FSTL5: variants seen among roughly 807,000 people sequenced by gnomAD.
The protein encoded by FSTL5 is follistatin like 5.
FSTL5 carries 62 observed loss-of-function variants against 89.1 expected under a neutral mutation model. That is an observed-to-expected ratio of 0.70 (90% confidence interval 0.57 to 0.86). The LOEUF is 0.86. FSTL5 is among the 40% of genes least tolerant of loss of function. FSTL5 has a pLI of 0.00. For synonymous variants in FSTL5, 383 were observed against 346.2 expected (o/e 1.11, Z -1.18); for missense variants, 1,057 against 1,001.6 (o/e 1.06, Z -0.75).
intron 10 of FSTL5, among the ~76,000 whole-genome samples, chr4:161,521,415 CTCTAT>C (rs1297528861): frequency 1.3e-5 from 2 of 151,750 alleles, no homozygotes; most frequent in African/African-American, 4.8e-5. Context: ...GATTTTAAAT[CTCTAT>C]TCTGTGAGAA....
Position 161,671,003 on chromosome 4 carries a change from C to G in FSTL5, c.728-14509G>C, listed in dbSNP as rs749268821. Among the ~76,000 whole-genome samples, 2 of 152,176 alleles carry G rather than the reference C, an allele frequency of 1.3e-5. 1 individual carries two copies. The highest frequency in any genetic ancestry group is 2.9e-5 in the Non-Finnish European group (2 of 68,032). The stretch of plus-strand genomic sequence containing the variant: ...AATGCACAGGTCAAAAGCTTCACAA[C>G]ACTGATGAACAGAAAATTACAAAAA... On this transcript the variant is annotated intron_variant, in intron 6 of 15. Coordinates refer to ENST00000306100, the MANE Select transcript of FSTL5 (RefSeq NM_020116.5).
chr4:161,756,067 C>T (rs7685359), intron 6 of FSTL5, among the ~76,000 whole-genome samples: 12,279 of 151,908 alleles, frequency 0.081, 946 homozygotes, highest in African/African-American at 0.2. Flanking sequence ...TATAGCTTGA[C>T]GCCTAGTTTA....
chr4:161,926,806 G>GA (rs1734140517), intron 3 of FSTL5, among the ~76,000 whole-genome samples: 1 of 151,676 alleles, frequency 6.6e-6, no homozygotes, highest in South Asian at 2.1e-4. Context: ...CCATCCCATT[G>GA]AAAAATTACA....
intron 2 of FSTL5, among the ~76,000 whole-genome samples, chr4:162,101,497 G>A (rs1207844124): frequency 6.6e-6 from 1 of 152,096 alleles, no homozygotes; most frequent in Non-Finnish European, 1.5e-5. Flanking sequence ...CAGAAAATCT[G>A]GGTTCCATTC....
intron 15 of FSTL5, among the ~76,000 whole-genome samples, chr4:161,447,559 G>C (rs1422538917): frequency 6.6e-6 from 1 of 151,978 alleles, no homozygotes; most frequent in Non-Finnish European, 1.5e-5. Context: ...AAATAATAAA[G>C]GTAACACACT....
chr4:162,016,472 C>T (rs1560971679), intron 3 of FSTL5, among the ~76,000 whole-genome samples: 1 of 152,166 alleles, frequency 6.6e-6, no homozygotes, highest in Admixed American at 6.5e-5. Flanking sequence ...TACAACCAGG[C>T]TCTGACATTC....
chr4:161,667,963 T>C (rs981080732), intron 6 of FSTL5, among the ~76,000 whole-genome samples: 1 of 151,946 alleles, frequency 6.6e-6, no homozygotes, highest in African/African-American at 2.4e-5. Context: ...GCTTTCACTT[T>C]AGGAAATTAA....
chr4:162,111,450 A>T, intron 1 of FSTL5, 38 bp from the exon 2 acceptor site: 1 of 1,456,382 alleles, frequency 6.9e-7, no homozygotes. Flanking sequence ...AGAGAAAATG[A>T]ATTATATATT....
chr4:161,856,053 G>A (rs1731710508), intron 4 of FSTL5, among the ~76,000 whole-genome samples: 1 of 151,850 alleles, frequency 6.6e-6, no homozygotes, highest in Non-Finnish European at 1.5e-5. Context: ...AGTCTTATAG[G>A]GATAAAATAT....
At chr4:161,440,531 T>C (rs1732726178) in intron 15 of FSTL5, among the ~76,000 whole-genome samples, 1 of 152,194 alleles carries the variant, frequency 6.6e-6, no homozygotes. Flanking sequence ...AGATAGTCTC[T>C]GACAACTTCA....
intron 6 of FSTL5, among the ~76,000 whole-genome samples, chr4:161,659,806 C>G (rs1314044593): frequency 1.3e-5 from 2 of 152,012 alleles, no homozygotes; most frequent in Non-Finnish European, 2.9e-5. Flanking sequence ...ATGGTTAATC[C>G]ATGTTTTCTT....
At chr4:161,782,765 G>T (rs185704540) in intron 4 of FSTL5, among the ~76,000 whole-genome samples, 1 of 152,250 alleles carries the variant, frequency 6.6e-6, no homozygotes. Context: ...ATGCCACATT[G>T]TAATTGGCAA....
At chr4:161,757,808 G>A (rs565399755) in intron 6 of FSTL5, among the ~76,000 whole-genome samples, 204 of 152,000 alleles carry the variant, frequency 1.3e-3, no homozygotes, top group African/African-American at 4.7e-3. Flanking sequence ...TAGTAGAGAT[G>A]GGGTTTCTCC....
At chr4:161,634,682 TA>T (rs1180708921) in intron 7 of FSTL5, among the ~76,000 whole-genome samples, 1 of 152,116 alleles carries the variant, frequency 6.6e-6, no homozygotes, top group Non-Finnish European at 1.5e-5. Context: ...ATGTGGAATG[TA>T]AAAAAGCTGA....
chr4:161,561,021 C>A (rs747662527), intron 8 of FSTL5, among the ~76,000 whole-genome samples: 3 of 151,834 alleles, frequency 2.0e-5, no homozygotes, highest in Non-Finnish European at 4.4e-5. Flanking sequence ...AATTTTTACA[C>A]CAGCATCACC....
chr4:162,159,103 ATTTACT>A (rs970499561), intron 1 of FSTL5, among the ~76,000 whole-genome samples: 20 of 152,210 alleles, frequency 1.3e-4, no homozygotes, highest in African/African-American at 4.6e-4. Flanking sequence ...ATGTAAGGAC[ATTTACT>A]TTTAGGGTTT....
At chr4:161,708,251 T>C (rs961998701) in intron 6 of FSTL5, among the ~76,000 whole-genome samples, 2 of 152,016 alleles carry the variant, frequency 1.3e-5, no homozygotes, top group African/African-American at 4.8e-5. Flanking sequence ...ACTACAGATC[T>C]CTTTACTTTT....
chr4:162,045,196 C>T (rs1391392163), intron 2 of FSTL5, among the ~76,000 whole-genome samples: 1 of 152,072 alleles, frequency 6.6e-6, no homozygotes, highest in Non-Finnish European at 1.5e-5. Flanking sequence ...ACAATTCTTC[C>T]TTTCACTTGA....
chr4:161,528,017 T>C (rs191013704), intron 10 of FSTL5, among the ~76,000 whole-genome samples: 151 of 151,010 alleles, frequency 1.0e-3, no homozygotes, highest in Non-Finnish European at 1.6e-3. Flanking sequence ...AAATTGGAAA[T>C]CATCACTCTC....
Sources: gnomAD v4.1 joint callset for allele counts (sites outside exome capture counted in the v4.1 genomes callset) on GRCh38, gnomAD v4.1.1 for gene constraint, MANE v1.5 for transcripts, NCBI Gene and HGNC (gene_info 2026-07-23, HGNC 2026-07-21) for gene names.